Variants in RNGTT observed in about 807,000 individuals in gnomAD.
RNGTT encodes the protein mRNA-capping enzyme.
In RNGTT, 33 loss-of-function variants were observed where a neutral mutation model predicts 79.3. That is an observed-to-expected ratio of 0.42 (90% CI 0.32 to 0.56). RNGTT has a LOEUF of 0.56. RNGTT is among the 20% of genes least tolerant of loss of function. The pLI is 0.17. For synonymous variants in RNGTT, 222 were observed against 235.9 expected (o/e 0.94, Z 0.54); for missense variants, 497 against 739.1 (o/e 0.67, Z 3.80).
At chr6:88,698,709 T>A (rs923569364) in intron 13 of RNGTT, among the ~76,000 whole-genome samples, 5 of 152,150 alleles carry the variant, frequency 3.3e-5, no homozygotes, top group Non-Finnish European at 7.4e-5. Flanking sequence ...GAAGGCTATA[T>A]TGTCAGTCTT....
At chr6:88,678,246 G>A (rs764645311) in intron 14 of RNGTT, 107 bp downstream of exon 14, 43 of 1,463,966 alleles carry the variant, frequency 2.9e-5, no homozygotes, top group Non-Finnish European at 3.7e-5. Flanking sequence ...GCCTCCCAAA[G>A]TGCTGGAACA....
At chr6:88,636,570 T>A (rs1773106691) in intron 14 of RNGTT, among the ~76,000 whole-genome samples, 1 of 151,980 alleles carries the variant, frequency 6.6e-6, no homozygotes. Context: ...TTTTCACCTT[T>A]CTTTTATAGA....
chr6:88,736,624 G>T (rs572302029), intron 13 of RNGTT, among the ~76,000 whole-genome samples: 1 of 152,270 alleles, frequency 6.6e-6, no homozygotes, highest in African/African-American at 2.4e-5. Context: ...AAAAGAACCA[G>T]AACTTAAAGA....
chr6:88,853,717 CTA>C lies in RNGTT; in HGVS notation c.942_943del (p.Asp314GlufsTer17). The C allele has an allele frequency of 6.3e-7, 1 of 1,578,836 alleles. No homozygotes were observed. Among genetic ancestry groups the C allele is most frequent in the Non-Finnish European group, 8.6e-7 (1 of 1,156,422 alleles). On this transcript the variant is annotated frameshift_variant, in exon 9 of 16. Transcript: ENST00000369485. LOFTEE classifies it high-confidence loss of function. Reference sequence around the variant, plus strand: ...TGAAACATGAAATACTGAATTGTCTCTATCAATCATAAAAACTTCATTTGTGC... The same window carrying C: ...TGAAACATGAAATACTGAATTGTCTCTCAATCATAAAAACTTCATTTGTGC...
At chr6:88,705,480 G>C (rs958012341) in intron 13 of RNGTT, among the ~76,000 whole-genome samples, 4 of 152,046 alleles carry the variant, frequency 2.6e-5, no homozygotes, top group Non-Finnish European at 4.4e-5. Flanking sequence ...ATCTGAACAA[G>C]ATAAAGATTA....
At chr6:88,776,936 T>A (rs1298517941) in intron 12 of RNGTT, among the ~76,000 whole-genome samples, 2 of 152,196 alleles carry the variant, frequency 1.3e-5, no homozygotes, top group Middle Eastern at 3.2e-3. Context: ...AAGACCAACA[T>A]CAAGGAGCTT....
intron 13 of RNGTT, among the ~76,000 whole-genome samples, chr6:88,692,887 G>A (rs576165246): frequency 1.3e-5 from 2 of 151,752 alleles, no homozygotes; most frequent in East Asian, 1.9e-4. Context: ...ACCATACAGC[G>A]AAATAAGTCT....
intron 4 of RNGTT, among the ~76,000 whole-genome samples, chr6:88,911,874 T>A (rs907720842): frequency 2.6e-5 from 4 of 151,902 alleles, no homozygotes; most frequent in Non-Finnish European, 5.9e-5. Flanking sequence ...TGGCTTGAGG[T>A]CTAGAGTTCG....
At chr6:88,768,733 T>C (rs1306485494) in intron 13 of RNGTT, among the ~76,000 whole-genome samples, 1 of 152,228 alleles carries the variant, frequency 6.6e-6, no homozygotes, top group Non-Finnish European at 1.5e-5. Context: ...TGTTGTAATG[T>C]ATTTACTTAG....
rs551043846 is a variant in RNGTT, at chr6:88,878,603, T to C, written c.896+11892A>G. On this transcript the variant is annotated intron_variant, in intron 8 of 15. Transcript: ENST00000369485. ...CTTTATTTACTGCTGAATTCCTGAA[T>C]ACTAGATATGATGTCATGGCTATAA... Among the ~76,000 whole-genome samples, 10 of 152,308 alleles carry C rather than the reference T, an allele frequency of 6.6e-5. No homozygotes were observed. The East Asian group carries it at 9.6e-4, about 15-fold the overall frequency.
intron 14 of RNGTT, among the ~76,000 whole-genome samples, chr6:88,658,610 G>C (rs570624936): frequency 4.6e-5 from 7 of 152,176 alleles, no homozygotes; most frequent in Non-Finnish European, 7.3e-5. Context: ...ATTGTTCCTG[G>C]GTGTATCTGT....
chr6:88,754,112 A>G (rs1777927963), intron 13 of RNGTT, among the ~76,000 whole-genome samples: 1 of 152,228 alleles, frequency 6.6e-6, no homozygotes, highest in South Asian at 2.1e-4. Context: ...TAAGGATCCT[A>G]GGAAGATGAT....
intron 12 of RNGTT, among the ~76,000 whole-genome samples, chr6:88,772,424 T>C (rs948108948): frequency 1.3e-5 from 2 of 152,156 alleles, no homozygotes; most frequent in Non-Finnish European, 2.9e-5. Context: ...GAAAATGTGC[T>C]CTTCAAATTC....
chr6:88,861,467 C>T (rs1782012864), intron 8 of RNGTT, among the ~76,000 whole-genome samples: 1 of 152,150 alleles, frequency 6.6e-6, no homozygotes, highest in Non-Finnish European at 1.5e-5. Flanking sequence ...TAAATTCTGC[C>T]TCTGATAACC....
intron 12 of RNGTT, among the ~76,000 whole-genome samples, chr6:88,785,206 T>C (rs1157079798): frequency 2.0e-5 from 3 of 152,098 alleles, no homozygotes; most frequent in Non-Finnish European, 2.9e-5. Context: ...ATTTACCCTC[T>C]AGGAATTCAC....
At chr6:88,770,391 C>T (rs1226441139) in intron 12 of RNGTT, among the ~76,000 whole-genome samples, 1 of 152,144 alleles carries the variant, frequency 6.6e-6, no homozygotes, top group East Asian at 1.9e-4. Context: ...TTTCTAGCTA[C>T]ATAAGAAATA....
chr6:88,874,513 T>G (rs1350124721), intron 8 of RNGTT, among the ~76,000 whole-genome samples: 1 of 152,136 alleles, frequency 6.6e-6, no homozygotes, highest in Non-Finnish European at 1.5e-5. Flanking sequence ...CTATAATTAT[T>G]TCAAACAATT....
At chr6:88,706,302 G>A (rs1776128587) in intron 13 of RNGTT, among the ~76,000 whole-genome samples, 1 of 151,928 alleles carries the variant, frequency 6.6e-6, no homozygotes, top group African/African-American at 2.4e-5. Flanking sequence ...TGTTGTCTCT[G>A]AGATCAGATA....
At chr6:88,877,981 G>A (rs905929725) in intron 8 of RNGTT, among the ~76,000 whole-genome samples, 2 of 152,096 alleles carry the variant, frequency 1.3e-5, no homozygotes, top group African/African-American at 4.8e-5. Context: ...ATCACCAGAG[G>A]TATGACACTA....
Sources: allele counts gnomAD v4.1 joint callset (sites outside exome capture counted in the v4.1 genomes callset), GRCh38; gene constraint gnomAD v4.1.1; transcripts MANE v1.5; gene names NCBI Gene and HGNC (gene_info 2026-07-23, HGNC 2026-07-21).